The following SSH2 variants were observed in gnomAD, a reference collection of about 807,000 sequenced individuals.
SSH2 encodes the protein slingshot protein phosphatase 2.
In SSH2, 37 loss-of-function variants were observed where a neutral mutation model predicts 135.2. The observed-to-expected ratio is 0.27, with a 90% CI of 0.21 to 0.36. The LOEUF (loss-of-function observed/expected upper bound fraction) is 0.36. SSH2 is among the 10% of genes least tolerant of loss of function. The probability of loss-of-function intolerance (pLI) is 1.00; values close to 1 mark genes in which losing one functional copy is unlikely to be tolerated. For synonymous variants in SSH2, 628 were observed against 646.2 expected (o/e 0.97, Z 0.43); for missense variants, 1,408 against 1,765.3 (o/e 0.80, Z 3.63).
chr17:29,657,574 G>GTTTTTTT (rs764763821), intron 11 of SSH2, among the ~76,000 whole-genome samples: 30 of 80,068 alleles, frequency 3.7e-4, no homozygotes, highest in Admixed American at 1.1e-3. Flanking sequence ...CGGCTACTTT[G>GTTTTTTT]TTTTTTTTTT....
intron 3 of SSH2, among the ~76,000 whole-genome samples, chr17:29,725,347 C>CAAAAAAAAAAAAAAAA (rs11449000): frequency 3.8e-5 from 2 of 52,788 alleles, no homozygotes; most frequent in Non-Finnish European, 6.3e-5. Context: ...AATCAGTCTC[C>CAAAAAAAAAAAAAAAA]AAAAAAAAAA....
intron 2 of SSH2, among the ~76,000 whole-genome samples, chr17:29,808,230 G>A (rs2042381149): frequency 6.6e-6 from 1 of 152,202 alleles, no homozygotes; most frequent in Non-Finnish European, 1.5e-5. Context: ...CCAGGTTCAA[G>A]CAATTCTCCT....
intron 9 of SSH2, among the ~76,000 whole-genome samples, chr17:29,670,443 C>T (rs1004234187): frequency 2.0e-5 from 3 of 152,294 alleles, no homozygotes; most frequent in Non-Finnish European, 4.4e-5. Context: ...AAAAAGATTC[C>T]ACTGCTTTTT....
intron 1 of SSH2, among the ~76,000 whole-genome samples, chr17:29,893,035 T>C (rs530326511): frequency 5.3e-4 from 81 of 152,202 alleles, no homozygotes; most frequent in African/African-American, 1.9e-3. Flanking sequence ...TAATTTACCT[T>C]CTAACCTGCT....
intron 5 of SSH2, among the ~76,000 whole-genome samples, chr17:29,686,826 G>A (rs1234983306): frequency 1.3e-5 from 2 of 151,948 alleles, no homozygotes; most frequent in Non-Finnish European, 2.9e-5. Flanking sequence ...ATGCCACCAT[G>A]CCTGGCTAAT....
chr17:29,895,272 TAA>T (rs922727129), intron 1 of SSH2, among the ~76,000 whole-genome samples: 1 of 128,524 alleles, frequency 7.8e-6, no homozygotes, highest in African/African-American at 2.9e-5. Context: ...ATGAAATATA[TAA>T]AATATATTTT....
Position 29,766,326 on chromosome 17 carries a change from C to T in SSH2, c.188+27568G>A, listed in dbSNP as rs150226137. The stretch of plus-strand genomic sequence containing the variant: ...CCTGGGCAAGATAGTGAGACCCTGT[C>T]TCATTAAAAAAATAAAAATAATGCA... On this transcript the variant is annotated intron_variant, in intron 3 of 15. Coordinates refer to ENST00000540801, the MANE Select transcript of SSH2 (RefSeq NM_001282129.2). Among the ~76,000 whole-genome samples the T allele has an allele frequency of 5.3e-4, 80 of 150,826 alleles. No homozygotes were observed. The East Asian group carries it at 0.015, about 29-fold the overall frequency.
At chr17:29,739,428 C>G (rs190388710) in intron 3 of SSH2, among the ~76,000 whole-genome samples, 1 of 152,144 alleles carries the variant, frequency 6.6e-6, no homozygotes, top group Admixed American at 6.5e-5. Context: ...TGCTCACAAC[C>G]TTTTACTAGA....
intron 1 of SSH2, among the ~76,000 whole-genome samples, chr17:29,877,017 C>A (rs975257137): frequency 2.6e-5 from 4 of 151,822 alleles, no homozygotes; most frequent in Non-Finnish European, 5.9e-5. Context: ...CCAAACAACT[C>A]TATAGGAAAA....
intron 9 of SSH2, among the ~76,000 whole-genome samples, chr17:29,667,732 T>C (rs2037337361): frequency 6.6e-6 from 1 of 152,150 alleles, no homozygotes; most frequent in Admixed American, 6.5e-5. Flanking sequence ...ACTCTCACAA[T>C]ATCTCTGTGA....
chr17:29,745,291 C>T (rs996221796), intron 3 of SSH2, among the ~76,000 whole-genome samples: 5 of 151,938 alleles, frequency 3.3e-5, no homozygotes, highest in Admixed American at 3.3e-4. Context: ...TCCCGAGTAG[C>T]GGGGATTACA....
chr17:29,665,923 T>G (rs1162555307), intron 11 of SSH2, among the ~76,000 whole-genome samples: 2 of 152,206 alleles, frequency 1.3e-5, no homozygotes, highest in Non-Finnish European at 2.9e-5. Flanking sequence ...GCTACAAGGT[T>G]TCATATGTTT....
rs956233770 is a variant in SSH2, at chr17:29,703,339, C to T, written c.189-277G>A. Among the ~76,000 whole-genome samples the T allele has an allele frequency of 2.0e-5, 3 of 151,884 alleles. No homozygotes were observed. The East Asian group carries it at 5.8e-4, about 29-fold the overall frequency. ...TCTTGGCTCACTGCAACCTCCGCCT[C>T]CTGGGTTCAAGTGATTCTCCTGCCT... On this transcript the variant is annotated intron_variant, in intron 3 of 15. Coordinates refer to ENST00000540801, the MANE Select transcript of SSH2 (RefSeq NM_001282129.2).
At chr17:29,910,983 A>ATG (rs2066754599) in intron 1 of SSH2, among the ~76,000 whole-genome samples, 1 of 152,226 alleles carries the variant, frequency 6.6e-6, no homozygotes, top group East Asian at 1.9e-4. Context: ...GGCCATATTC[A>ATG]TGTCTTAAAA....
chr17:29,762,217 A>G (rs963743096), intron 3 of SSH2, among the ~76,000 whole-genome samples: 1 of 152,122 alleles, frequency 6.6e-6, no homozygotes, highest in Non-Finnish European at 1.5e-5. Flanking sequence ...GTAATGGTCA[A>G]ACAAACAAAA....
At chr17:29,685,811 T>C (rs2038189228) in intron 5 of SSH2, among the ~76,000 whole-genome samples, 1 of 150,810 alleles carries the variant, frequency 6.6e-6, no homozygotes, top group Non-Finnish European at 1.5e-5. Context: ...AGCTCAGTAA[T>C]GAGTTTGTGA....
At chr17:29,810,112 G>A (rs2042415357) in intron 2 of SSH2, among the ~76,000 whole-genome samples, 1 of 152,140 alleles carries the variant, frequency 6.6e-6, no homozygotes, top group South Asian at 2.1e-4. Context: ...AATGACTAAT[G>A]TAAAAGAAAG....
At chr17:29,883,486 A>G (rs1327005382) in intron 1 of SSH2, among the ~76,000 whole-genome samples, 1 of 152,234 alleles carries the variant, frequency 6.6e-6, no homozygotes, top group East Asian at 1.9e-4. Context: ...ATGACATACT[A>G]TAATATCTAA....
intron 3 of SSH2, among the ~76,000 whole-genome samples, chr17:29,792,317 T>C (rs185512030): frequency 2.0e-5 from 3 of 152,288 alleles, no homozygotes; most frequent in Admixed American, 6.5e-5. Context: ...ATTGAGTCAA[T>C]ATATAAAGCT....
Sources: gnomAD v4.1 joint callset for allele counts (sites outside exome capture counted in the v4.1 genomes callset) on GRCh38, gnomAD v4.1.1 for gene constraint, MANE v1.5 for transcripts, NCBI Gene and HGNC (gene_info 2026-07-23, HGNC 2026-07-21) for gene names.